Variants in ATP13A5 observed in about 807,000 individuals in gnomAD.
ATP13A5 encodes ATPase 13A5.
In ATP13A5, 149 loss-of-function variants were observed where a neutral mutation model predicts 150.2. The observed-to-expected ratio is 0.99, with a 90% confidence interval of 0.87 to 1.14. The LOEUF (loss-of-function observed/expected upper bound fraction) is 1.14. Among genes scored for constraint, ATP13A5 ranks in the 50% most tolerant of loss-of-function variants. The pLI is 0.00. For missense variants in ATP13A5, 1,383 were observed against 1,449.3 expected (o/e 0.95, Z 0.74); for synonymous variants, 497 against 522.2 (o/e 0.95, Z 0.66).
intron 7 of ATP13A5, among the ~76,000 whole-genome samples, chr3:193,345,495 G>A (rs1263723242): frequency 6.6e-6 from 1 of 152,162 alleles, no homozygotes; most frequent in Non-Finnish European, 1.5e-5. Flanking sequence ...TAAATTTATG[G>A]AACAAAGAAG....
intron 26 of ATP13A5, among the ~76,000 whole-genome samples, chr3:193,285,913 T>C (rs1226114436): frequency 1.3e-5 from 2 of 152,224 alleles, no homozygotes; most frequent in Admixed American, 6.5e-5. Flanking sequence ...GCAAGCTCAT[T>C]GTTTTGCAAT....
intron 5 of ATP13A5, among the ~76,000 whole-genome samples, chr3:193,355,550 T>C (rs1489333642): frequency 7.2e-5 from 11 of 152,164 alleles, no homozygotes; most frequent in Non-Finnish European, 5.9e-5. Context: ...ATCTGACTTC[T>C]TAGCCATATT....
chr3:193,318,628 G>T (rs1330869388), intron 17 of ATP13A5, among the ~76,000 whole-genome samples: 1 of 152,104 alleles, frequency 6.6e-6, no homozygotes, highest in Non-Finnish European at 1.5e-5. Flanking sequence ...CTGTGTATGG[G>T]CCACCCAAGT....
chr3:193,309,111 C>A (rs59735894), intron 21 of ATP13A5, among the ~76,000 whole-genome samples: 5,944 of 152,240 alleles, frequency 0.039, 334 homozygotes, highest in African/African-American at 0.13. Context: ...CAAACTGTTA[C>A]ATTCCCAGAA....
rs907353361 is a variant in ATP13A5, at chr3:193,324,801, G to C, written c.1674+63C>G. 6 of 1,554,828 alleles carry C rather than the reference G, an allele frequency of 3.9e-6. No homozygotes were observed. In the Admixed American group the frequency reaches 7.4e-5, roughly 19 times the overall value. On this transcript the variant is annotated intron_variant, in intron 14 of 29. Transcript: ENST00000342358. ...CTGTGTTTTAACAAAAATTAGAAAA[G>C]CTTCAGCACTCCCAGTAAAGATTTC...
chr3:193,347,692 T>C (rs920116437), intron 7 of ATP13A5, among the ~76,000 whole-genome samples: 2 of 152,150 alleles, frequency 1.3e-5, no homozygotes, highest in African/African-American at 4.8e-5. Context: ...GACTTAGCAT[T>C]CTGTGTAACC....
At chr3:193,354,233 C>T in intron 5 of ATP13A5, 37 bp from the exon 6 acceptor site, 1 of 1,579,972 alleles carries the variant, frequency 6.3e-7, no homozygotes, top group Non-Finnish European at 8.6e-7. Flanking sequence ...GTCATAGCTA[C>T]AAGCACATGA....
intron 25 of ATP13A5, among the ~76,000 whole-genome samples, chr3:193,297,409 G>A (rs1386624642): frequency 6.6e-6 from 1 of 152,026 alleles, no homozygotes; most frequent in African/African-American, 2.4e-5. Context: ...TGACTAGCCT[G>A]TGGGATGAGT....
At position 193,287,335 on chromosome 3, in the gene ATP13A5, C is replaced by T. The variant is rs116139361; in HGVS notation, c.3024-2219G>A. Among the ~76,000 whole-genome samples the T allele has an allele frequency of 6.7e-3, 1,015 of 152,248 alleles. 14 individuals carry two copies. Among genetic ancestry groups the T allele is most frequent in the African/African-American group, 0.023 (971 of 41,562 alleles). ...AAGATGTCTTCTAGGACTTTAATAA[C>T]TAGAGATAAGTCAATAACTGGATTC... On this transcript the variant is annotated intron_variant, in intron 26 of 29. Coordinates refer to ENST00000342358, the MANE Select transcript of ATP13A5 (RefSeq NM_198505.4).
At position 193,299,175 on chromosome 3, in the gene ATP13A5, T is replaced by C. The variant is rs776811866; in HGVS notation, c.2804A>G (p.Tyr935Cys). 3 of 1,610,316 alleles carry C rather than the reference T, an allele frequency of 1.9e-6. No homozygotes were observed. Among genetic ancestry groups the C allele is most frequent in the South Asian group, 2.2e-5 (2 of 90,184 alleles). ...AGTAATGGCTACATCTTGCATGAGA[T>C]ACTGGTAATTTCCAAAGAGTTGTAG... is the stretch of plus-strand genomic sequence containing the variant. Reference protein sequence around the residue: ...WQLQLFGNYQYLMQDVAITLM... With the variant: ...WQLQLFGNYQCLMQDVAITLM... Residue 935 changes from tyrosine to cysteine, a missense_variant, in exon 25 of 30, where the codon TAT (tyrosine) becomes TGT (cysteine). Tyr to Cys is a radical substitution (Grantham distance 194, BLOSUM62 -2). Transcript: ENST00000342358.
chr3:193,284,799 G>T, intron 27 of ATP13A5, 115 bp downstream of exon 27: 1 of 880,570 alleles, frequency 1.1e-6, no homozygotes, highest in Non-Finnish European at 1.7e-6. Flanking sequence ...AACAATTTTA[G>T]AGTCATGCAA....
chr3:193,363,102 C>T (rs1713100945), intron 3 of ATP13A5, 134 bp downstream of exon 3: 1 of 1,109,118 alleles, frequency 9.0e-7, no homozygotes. Flanking sequence ...CATGCCCAGC[C>T]AGTCTCACTT....
intron 22 of ATP13A5, chr3:193,307,112 A>T: frequency 7.3e-7 from 1 of 1,367,276 alleles, no homozygotes; most frequent in Non-Finnish European, 9.4e-7. Flanking sequence ...CTTTGTGTTT[A>T]TTATTCTAGG....
rs1717131161 is a variant in ATP13A5 at position 193,275,167 on chromosome 3, A to G, written c.3532T>C (p.Tyr1178His). 5.0e-6 allele frequency: 8 copies of G among 1,614,188 alleles called. No homozygotes were observed. The South Asian group carries it at 7.7e-5, about 16-fold the overall frequency. ...AATCCATTTTTGCCATCACCTGAAT[A>G]ATCTGTCCTGTTTATGGGAGGCCAG... ...STWPPINRTD[Y>H]SGDGKNGFYI... is the part of the protein sequence containing the mutation. The change falls in exon 30 of 30, where the codon TAT becomes CAT. Residue 1178 changes from tyrosine (Y) to histidine (H), a missense_variant. Around this residue, in one of 3 missense-constraint regions of ATP13A5, gnomAD observed 568 missense variants for 621.5 expected, o/e 0.91. Coordinates refer to ENST00000342358, the MANE Select transcript of ATP13A5 (RefSeq NM_198505.4).
chr3:193,288,436 C>T (rs1300408832), intron 26 of ATP13A5, among the ~76,000 whole-genome samples: 3 of 152,100 alleles, frequency 2.0e-5, no homozygotes, highest in Non-Finnish European at 4.4e-5. Context: ...TCAGCAGCCG[C>T]TCAGCTTGAG....
chr3:193,334,035 T>C (rs1446627268), intron 10 of ATP13A5, 128 bp from the exon 11 acceptor site: 1 of 826,884 alleles, frequency 1.2e-6, no homozygotes, highest in South Asian at 2.4e-5. Context: ...ATTTTATAAG[T>C]TTTCAGGTGG....
At chr3:193,364,036 G>T in intron 2 of ATP13A5, 71 bp downstream of exon 2, 2 of 1,466,324 alleles carry the variant, frequency 1.4e-6, no homozygotes, top group Non-Finnish European at 1.9e-6. Flanking sequence ...ACCAGCCACA[G>T]AGTTATGCCA....
chr3:193,305,927 G>A (rs540343133), intron 22 of ATP13A5, among the ~76,000 whole-genome samples: 7 of 152,040 alleles, frequency 4.6e-5, no homozygotes, highest in Non-Finnish European at 1.0e-4. Flanking sequence ...GTGCATACAA[G>A]GGCCCTGCCT....
At chr3:193,278,095 T>C (rs1206906246) in intron 28 of ATP13A5, among the ~76,000 whole-genome samples, 5 of 152,206 alleles carry the variant, frequency 3.3e-5, no homozygotes, top group African/African-American at 1.2e-4. Context: ...TGAGCCACCA[T>C]GCCTGACCCT....
Sources: allele counts gnomAD v4.1 joint callset (sites outside exome capture counted in the v4.1 genomes callset), GRCh38; gene constraint gnomAD v4.1.1; regional missense constraint gnomAD v4.1.1; transcripts MANE v1.5; gene names NCBI Gene and HGNC (gene_info 2026-07-23, HGNC 2026-07-21).